The following MYCL variants were observed in gnomAD, a reference collection of about 807,000 sequenced individuals.
MYCL encodes protein L-Myc.
MYCL carries 11 observed loss-of-function variants against 31.0 expected under a neutral mutation model. The ratio of observed to expected loss-of-function variants is 0.35; its 90% CI spans 0.22 to 0.59. MYCL has a LOEUF of 0.59. Ranked by LOEUF, MYCL falls within the 20% of genes least tolerant of loss-of-function variation. The probability of loss-of-function intolerance (pLI) is 0.79; values close to 1 mark genes in which losing one functional copy is unlikely to be tolerated. For synonymous variants in MYCL, 208 were observed against 202.4 expected, an observed-to-expected ratio of 1.03 and a Z score of -0.23; for missense variants, 427 against 486.1, an observed-to-expected ratio of 0.88 and a Z score of 1.14.
At position 39,901,602 on chromosome 1, in the gene MYCL, CG is replaced by C; in HGVS notation, c.-169del. ...CCTCGCGTCCCGGGAAGCCGGGCCCCGGGTCAGAGTGGTAGGGGAAGCCAAT... is the reference window on the plus strand; with the variant it reads ...CCTCGCGTCCCGGGAAGCCGGGCCCCGGTCAGAGTGGTAGGGGAAGCCAAT... On this transcript the variant is annotated 5_prime_UTR_variant, in exon 1 of 2. Coordinates refer to ENST00000372816, the MANE Select transcript of MYCL (RefSeq NM_001033081.3). This position sits in a 1 kb window ranked among gnomAD's most constrained non-coding sequence, Gnocchi z 6.9. The C allele has an allele frequency of 7.0e-7, 1 of 1,428,418 alleles. No individual in the cohort carries two copies. The highest frequency in any genetic ancestry group is 1.5e-5 in the South Asian group (1 of 66,784). 88.5% of individuals were successfully genotyped at this position (1,428,418 alleles called of 1,614,324 possible). A position where few individuals can be genotyped will look rare whatever the true frequency, so the allele number is the denominator to read the frequency against.
chr1:39,901,419 A>T lies in MYCL; in HGVS notation c.16T>A (p.Tyr6Asn). The T allele has an allele frequency of 1.2e-6, 2 of 1,612,708 alleles. No homozygotes were observed. The highest frequency in any genetic ancestry group is 1.7e-6 in the Non-Finnish European group (2 of 1,179,790). MDYDS[Y>N]QHYFYDYDCG... ...TCATAGTCGTAGAAATAGTGCTGGT[A>T]CGAGTCGTAGTCCATGTCCGCTCCC... The change falls in exon 1 of 2, where the codon TAC (tyrosine) becomes AAC (asparagine). Residue 6 changes from tyrosine to asparagine, a missense_variant. By Grantham distance (143) the Tyr-to-Asn change is moderately radical (BLOSUM62 -2). Coordinates refer to ENST00000372816, the MANE Select transcript of MYCL (RefSeq NM_001033081.3). The surrounding 1 kb of genome is among the most constrained non-coding windows in gnomAD (Gnocchi z 6.9).
Position 39,901,112 on chromosome 1 carries a change from G to T in MYCL, c.323C>A (p.Ala108Asp). 6.3e-7 allele frequency: 1 copy of T among 1,598,536 alleles called. No individual in the cohort carries two copies. The highest frequency in any genetic ancestry group is 8.5e-7 in the Non-Finnish European group (1 of 1,173,140). Residue 108 changes from alanine (A) to aspartate (D), a missense_variant, in exon 1 of 2, where the codon GCT (alanine) becomes GAT (aspartate). By Grantham distance (126) the Ala-to-Asp change is moderately radical (BLOSUM62 -2). Transcript: ENST00000372816. The surrounding 1 kb of genome is among the most constrained non-coding windows in gnomAD (Gnocchi z 6.9). ...GCCAGGAGCGAGCCGGTCGCTCACAGCTCTCTCCAGCCGTTCCCGGGCCGA... is the reference window on the plus strand; with the variant it reads ...GCCAGGAGCGAGCCGGTCGCTCACATCTCTCTCCAGCCGTTCCCGGGCCGA... ...GFSARERLER[A>D]VSDRLAPGAP...
chr1:39,900,134 A>G (rs1321095047), intron 1 of MYCL: 4 of 985,522 alleles, frequency 4.1e-6, no homozygotes, highest in Non-Finnish European at 4.8e-6. Context: ...GCCAGGGAGC[A>G]GCTGACGCTG....
chr1:39,899,611 G>A (rs1172300825), intron 1 of MYCL: 48 of 984,856 alleles, frequency 4.9e-5, no homozygotes, highest in Non-Finnish European at 5.5e-5. Flanking sequence ...TCCACCAGCC[G>A]TTGTAGAGAT....
At chr1:39,900,299 C>A (rs1475463726) in intron 1 of MYCL, 1 of 985,640 alleles carries the variant, frequency 1.0e-6, no homozygotes, top group Non-Finnish European at 1.2e-6. Flanking sequence ...GAGGGGCTGG[C>A]TAGATGGCAG....
chr1:39,897,507 T>G lies in MYCL; in HGVS notation c.960A>C (p.Val320=). Reference sequence around the variant, plus strand: ...ATTCCAAGGCCTTGCTTAGGATCACTACTTTGGGGGCCTTGGAGCAGCTGG... The same window carrying G: ...ATTCCAAGGCCTTGCTTAGGATCACGACTTTGGGGGCCTTGGAGCAGCTGG... The part of the protein sequence containing the change: ...TLASCSKAPK[V]VILSKALEYL... The change falls in exon 2 of 2, where the codon GTA becomes GTC. Residue 320 remains valine (V), a synonymous_variant. Transcript: ENST00000372816. The surrounding 1 kb of genome is among the most constrained non-coding windows in gnomAD (Gnocchi z 4.3). 6.2e-7 allele frequency: 1 copy of G among 1,614,210 alleles called. No homozygotes were observed. Among genetic ancestry groups the G allele is most frequent in the Non-Finnish European group, 8.5e-7 (1 of 1,180,036 alleles).
chr1:39,900,931 G>T lies in MYCL; in HGVS notation c.496+8C>A, dbSNP rs1425286091. On this transcript the variant is annotated splice_region_variant and intron_variant, in intron 1 of 1. Transcript: ENST00000372816. Reference sequence around the variant, plus strand: ...GCCCCCTCTTGGATGGCTCGGGGAGGTCCTTACCCGAGTCGCTTGGGCTCT... The same window carrying T: ...GCCCCCTCTTGGATGGCTCGGGGAGTTCCTTACCCGAGTCGCTTGGGCTCT... 1 of 1,504,520 alleles carries T rather than the reference G, an allele frequency of 6.6e-7. No individual in the cohort carries two copies. Among genetic ancestry groups the T allele is most frequent in the Non-Finnish European group, 8.9e-7 (1 of 1,127,892 alleles). 93.2% of individuals were successfully genotyped at this position (1,504,520 alleles called of 1,614,324 possible). A position where few individuals can be genotyped will look rare whatever the true frequency, so the allele number is the denominator to read the frequency against.
chr1:39,901,453 G>T lies in MYCL; in HGVS notation c.-19C>A, dbSNP rs923428063. The T allele has an allele frequency of 6.9e-6, 11 of 1,605,434 alleles. No individual in the cohort carries two copies. The highest frequency in any genetic ancestry group is 1.3e-5 in the African/African-American group (1 of 74,764). ...AGTCCATGTCCGCTCCCTGCGGGAGGGAAGGGGGGACGTGCTGACCGGGTG... is the reference window on the plus strand; with the variant it reads ...AGTCCATGTCCGCTCCCTGCGGGAGTGAAGGGGGGACGTGCTGACCGGGTG... On this transcript the variant is annotated 5_prime_UTR_variant, in exon 1 of 2. Transcript: ENST00000372816. This position sits in a 1 kb window ranked among gnomAD's most constrained non-coding sequence, Gnocchi z 6.9.
intron 1 of MYCL, chr1:39,899,930 C>T: frequency 1.0e-6 from 1 of 985,468 alleles, no homozygotes; most frequent in South Asian, 4.7e-5. Context: ...TCCAGGATTT[C>T]TCACGGGTGT....
rs1039866541 is a variant in MYCL at position 39,900,415 on chromosome 1, T to C, written c.496+524A>G. ...CCTCCCTGTCTCAGGGATGCACGAG[T>C]GGTAAGTGGTGGTGGGGAGGCACGA... On this transcript the variant is annotated intron_variant, in intron 1 of 1. Coordinates refer to ENST00000372816, the MANE Select transcript of MYCL (RefSeq NM_001033081.3). 94 of 989,440 alleles carry C rather than the reference T, an allele frequency of 9.5e-5. No individual in the cohort carries two copies. The African/African-American group carries it at 1.5e-3, about 16-fold the overall frequency. 61.3% of individuals were successfully genotyped at this position (989,440 alleles called of 1,614,324 possible). A position where few individuals can be genotyped will look rare whatever the true frequency, so the allele number is the denominator to read the frequency against.
rs748249735 is a variant in MYCL at position 39,900,980 on chromosome 1, T to G, written c.455A>C (p.Lys152Thr). The G allele has an allele frequency of 5.9e-5, 88 of 1,480,568 alleles. 1 individual carries two copies. The highest frequency in any genetic ancestry group is 7.6e-5 in the Non-Finnish European group (85 of 1,115,934). The allele number at this position is 1,480,568 out of a possible 1,614,324, so 91.7% of individuals were successfully genotyped here. ...CTCGGACCCGGAGCAGGCCTGGGTC[T>G]TGGGTTCGCCCAGCGGACAGGGGGC... ...PAAPCPLGEP[K>T]TQACSGSESP... is the part of the protein sequence containing the mutation. The change falls in exon 1 of 2, where the codon AAG (lysine) becomes ACG (threonine). Residue 152 changes from lysine to threonine, a missense_variant. Transcript: ENST00000372816.
At chr1:39,900,397 G>A in intron 1 of MYCL, 1 of 988,066 alleles carries the variant, frequency 1.0e-6, no homozygotes, top group Non-Finnish European at 1.2e-6. Flanking sequence ...TTCCCTCCCT[G>A]TCTCAGGGAT....
intron 1 of MYCL, chr1:39,898,921 A>G (rs925209566): frequency 2.9e-5 from 29 of 985,384 alleles, no homozygotes; most frequent in Non-Finnish European, 3.4e-5. Context: ...CACATTTTGC[A>G]GCCTCCACAC....
chr1:39,901,276 G>A lies in MYCL; in HGVS notation c.159C>T (p.Asp53=). 6.2e-7 allele frequency: 1 copy of A among 1,600,936 alleles called. No homozygotes were observed. The highest frequency in any genetic ancestry group is 8.5e-7 in the Non-Finnish European group (1 of 1,174,386). The change falls in exon 1 of 2, where the codon GAC becomes GAT. Residue 53 remains aspartate, a synonymous_variant. Transcript: ENST00000372816. The surrounding 1 kb of genome is among the most constrained non-coding windows in gnomAD (Gnocchi z 6.9). ...PPWGLGPGAG[D]PAPGIGPPEP... ...CCGGGGGACCAATCCCGGGGGCCGG[G>A]TCCCCTGCGCCGGGACCCAAGCCCC...
intron 1 of MYCL, chr1:39,898,902 C>A: frequency 1.0e-6 from 1 of 985,458 alleles, no homozygotes. Flanking sequence ...AAAGTCTCCT[C>A]CTGCTCCACA....
chr1:39,900,670 A>G (rs1644527818), intron 1 of MYCL: 13 of 1,367,768 alleles, frequency 9.5e-6, no homozygotes, highest in Non-Finnish European at 1.2e-5. Context: ...GTCCTCTCTA[A>G]GCGCCAACCC....
In MYCL at chr1:39,896,538, C is replaced by T. The variant is rs1233053914; in HGVS notation, c.*834G>A. 4.6e-6 allele frequency: 1 copy of T among 215,958 alleles called. No individual in the cohort carries two copies. Among genetic ancestry groups the T allele is most frequent in the Non-Finnish European group, 9.4e-6 (1 of 106,898 alleles). 13.4% of individuals were successfully genotyped at this position (215,958 alleles called of 1,614,324 possible). ...CCAGGACTCCAAGCTATCCCCAGGC[C>T]CCAGGCTAGGACCGATTTCCCTGTG... On this transcript the variant is annotated 3_prime_UTR_variant, in exon 2 of 2. Coordinates refer to ENST00000372816, the MANE Select transcript of MYCL (RefSeq NM_001033081.3).
In MYCL at chr1:39,901,577, C is replaced by T. The variant is rs1045658022; in HGVS notation, c.-143G>A. On this transcript the variant is annotated 5_prime_UTR_variant, in exon 1 of 2. Coordinates refer to ENST00000372816, the MANE Select transcript of MYCL (RefSeq NM_001033081.3). This position sits in a 1 kb window ranked among gnomAD's most constrained non-coding sequence, Gnocchi z 6.9. ...CACCAGCTTGCAGCCTGCGCCCAGTCCTCGCGTCCCGGGAAGCCGGGCCCC... is the reference window on the plus strand; with the variant it reads ...CACCAGCTTGCAGCCTGCGCCCAGTTCTCGCGTCCCGGGAAGCCGGGCCCC... 10 of 1,436,382 alleles carry T rather than the reference C, an allele frequency of 7.0e-6. No homozygotes were observed. The highest frequency in any genetic ancestry group is 9.1e-6 in the Non-Finnish European group (10 of 1,103,980). 89.0% of individuals were successfully genotyped at this position (1,436,382 alleles called of 1,614,324 possible).
Position 39,900,340 on chromosome 1 carries a change from A to G in MYCL, c.496+599T>C, listed in dbSNP as rs754644419. The G allele has an allele frequency of 1.6e-5, 16 of 985,576 alleles. No individual in the cohort carries two copies. The African/African-American group carries it at 1.9e-4, about 12-fold the overall frequency. The allele number at this position is 985,576 out of a possible 1,614,324, so 61.1% of individuals were successfully genotyped here. On this transcript the variant is annotated intron_variant, in intron 1 of 1. Coordinates refer to ENST00000372816, the MANE Select transcript of MYCL (RefSeq NM_001033081.3). ...TGGAGCTGACTTGTAGTGATTGTCT[A>G]TCTCTAAGCCTCAGTTTTTCCATCT...
Sources: gnomAD v4.1 joint callset for allele counts on GRCh38, gnomAD v4.1.1 for gene constraint, Gnocchi (gnomAD v3.1) non-coding constraint, MANE v1.5 for transcripts, NCBI Gene and HGNC (gene_info 2026-07-23, HGNC 2026-07-21) for gene names.